The following CMIP variants were observed in gnomAD, a reference collection of about 807,000 sequenced individuals.
CMIP encodes C-Maf-inducing protein.
A neutral mutation model predicts 97.3 loss-of-function variants in CMIP; 13 were observed. That is an observed-to-expected ratio of 0.13 (90% CI 0.09 to 0.21). The LOEUF (loss-of-function observed/expected upper bound fraction) is 0.21. CMIP is among the 10% of genes least tolerant of loss of function. CMIP has a pLI of 1.00. For missense variants in CMIP, 847 were observed against 1,024.9 expected, an observed-to-expected ratio of 0.83 and a Z score of 2.37; for synonymous variants, 538 against 436.3, an observed-to-expected ratio of 1.23 and a Z score of -2.91.
intron 1 of CMIP, among the ~76,000 whole-genome samples, chr16:81,480,518 C>T (rs149432745): frequency 0.019 from 2,838 of 152,216 alleles, 94 homozygotes; most frequent in African/African-American, 0.065. Context: ...TCAGCCTGGG[C>T]GACAGAGTGA....
At position 81,699,750 on chromosome 16, in the gene CMIP, G is replaced by A; in HGVS notation, c.1704G>A (p.Lys568=). The A allele has an allele frequency of 6.2e-7, 1 of 1,613,756 alleles. No homozygotes were observed. Among genetic ancestry groups the A allele is most frequent in the Non-Finnish European group, 8.5e-7 (1 of 1,179,804 alleles). The change falls in exon 15 of 21, where the codon AAG becomes AAA. Residue 568 remains lysine (K), a synonymous_variant. Transcript: ENST00000537098. The part of the protein sequence containing the change: ...KKFLLSLAEN[K]LGPCMLLALR... ...TCCTGCTCTCCCTGGCAGAAAACAA[G>A]CTGGGTCCCTGCATGCTCCTGGCAC... is the stretch of plus-strand genomic sequence containing the variant.
chr16:81,491,106 T>G (rs939235846), intron 1 of CMIP, among the ~76,000 whole-genome samples: 1 of 152,122 alleles, frequency 6.6e-6, no homozygotes, highest in Non-Finnish European at 1.5e-5. Context: ...TGTGGTGGGT[T>G]CCTGTTCCTG....
At chr16:81,510,456 C>A (rs2150790133) in intron 1 of CMIP, among the ~76,000 whole-genome samples, 1 of 152,318 alleles carries the variant, frequency 6.6e-6, no homozygotes, top group East Asian at 1.9e-4. Flanking sequence ...CTTTGACAGT[C>A]TTCTGAGGAA....
At chr16:81,587,661 C>T (rs116992868) in intron 1 of CMIP, among the ~76,000 whole-genome samples, 1 of 152,332 alleles carries the variant, frequency 6.6e-6, no homozygotes, top group East Asian at 1.9e-4. Flanking sequence ...GGAATCTCAG[C>T]CGTCTCTGCT....
chr16:81,450,285 G>A (rs1410993694), intron 1 of CMIP, among the ~76,000 whole-genome samples: 1 of 152,192 alleles, frequency 6.6e-6, no homozygotes. Context: ...GATTAGGTGA[G>A]GCAGCCTGAT....
intron 1 of CMIP, among the ~76,000 whole-genome samples, chr16:81,483,579 CT>C (rs2089265558): frequency 6.6e-6 from 1 of 151,310 alleles, no homozygotes; most frequent in Non-Finnish European, 1.5e-5. Context: ...TCCTCTTCCT[CT>C]TCCTCTTCCT....
intron 10 of CMIP, among the ~76,000 whole-genome samples, chr16:81,681,808 A>C (rs1904901653): frequency 6.6e-6 from 1 of 151,972 alleles, no homozygotes; most frequent in Admixed American, 6.5e-5. Flanking sequence ...TCTGGGCCTC[A>C]GTTTTCTTGT....
intron 1 of CMIP, among the ~76,000 whole-genome samples, chr16:81,512,908 T>G (rs1043985743): frequency 9.2e-5 from 14 of 152,242 alleles, no homozygotes; most frequent in Non-Finnish European, 1.8e-4. Flanking sequence ...AGCTAATTTT[T>G]GCATTTTTAG....
chr16:81,463,614 C>A (rs569785564), intron 1 of CMIP, among the ~76,000 whole-genome samples: 1 of 152,166 alleles, frequency 6.6e-6, no homozygotes, highest in African/African-American at 2.4e-5. Flanking sequence ...AGGGCTGGAC[C>A]GGGTGAAATA....
rs190034026 is a variant in CMIP at position 81,465,542 on chromosome 16, C to T, written c.300+20001C>T. Among the ~76,000 whole-genome samples the T allele has an allele frequency of 3.4e-3, 517 of 152,356 alleles. 1 individual carries two copies. The highest frequency in any genetic ancestry group is 6.4e-3 in the Non-Finnish European group (437 of 68,034). On this transcript the variant is annotated intron_variant, in intron 1 of 20. Transcript: ENST00000537098. The stretch of plus-strand genomic sequence containing the variant: ...ACTCACTGTCCCAAGAAGGCTGCCT[C>T]GCACAATGCCTGGTTGTGGTTAGTG...
At chr16:81,477,739 G>A (rs1908014385) in intron 1 of CMIP, among the ~76,000 whole-genome samples, 1 of 152,226 alleles carries the variant, frequency 6.6e-6, no homozygotes, top group African/African-American at 2.4e-5. Flanking sequence ...CTGTGGCTTT[G>A]AGGGCCTAGG....
At chr16:81,518,711 A>G (rs1746354536) in intron 1 of CMIP, 2 of 152,250 alleles carry the variant, frequency 1.3e-5, no homozygotes, top group Admixed American at 6.5e-5. Context: ...GGTGTTGATT[A>G]AAAAATATAA....
chr16:81,483,317 A>G (rs956723764), intron 1 of CMIP, among the ~76,000 whole-genome samples: 16 of 105,980 alleles, frequency 1.5e-4, no homozygotes, highest in African/African-American at 5.2e-4. Flanking sequence ...TGGGGCAGCA[A>G]TTTACCTGGT....
chr16:81,527,407 T>C (rs1290408676), intron 1 of CMIP, among the ~76,000 whole-genome samples: 1 of 152,204 alleles, frequency 6.6e-6, no homozygotes, highest in Admixed American at 6.5e-5. Context: ...TTGTAGAATC[T>C]AGGTGGTGGG....
At chr16:81,630,630 G>A (rs918639697) in intron 3 of CMIP, 7 of 152,202 alleles carry the variant, frequency 4.6e-5, no homozygotes, top group African/African-American at 1.7e-4. Context: ...CCTACCCTCC[G>A]AGAAGGAAGG....
At chr16:81,467,108 T>G (rs1597453552) in intron 1 of CMIP, among the ~76,000 whole-genome samples, 4 of 152,142 alleles carry the variant, frequency 2.6e-5, no homozygotes. Flanking sequence ...TTGAGCGAGT[T>G]TCCATCCCAC....
At chr16:81,532,459 C>G (rs1425159851) in intron 1 of CMIP, among the ~76,000 whole-genome samples, 2 of 152,186 alleles carry the variant, frequency 1.3e-5, no homozygotes, top group African/African-American at 4.8e-5. Flanking sequence ...AGATAAATCC[C>G]TGAACTTATT....
chr16:81,547,414 T>A (rs1244171641), intron 1 of CMIP, among the ~76,000 whole-genome samples: 1 of 152,092 alleles, frequency 6.6e-6, no homozygotes, highest in Non-Finnish European at 1.5e-5. Context: ...TCCAGTCAGA[T>A]AGAGGGTCTT....
At position 81,459,714 on chromosome 16, in the gene CMIP, G is replaced by C. The variant is rs977431518; in HGVS notation, c.300+14173G>C. ...TGGGGTAAACTGCGTAGCAATTCCAGGGGTGTGCTCTCTGGATTTTATAGA... is the reference window on the plus strand; with the variant it reads ...TGGGGTAAACTGCGTAGCAATTCCACGGGTGTGCTCTCTGGATTTTATAGA... On this transcript the variant is annotated intron_variant, in intron 1 of 20. Coordinates refer to ENST00000537098, the MANE Select transcript of CMIP (RefSeq NM_198390.3). 2.6e-5 allele frequency among the ~76,000 whole-genome samples: 4 copies of C among 152,232 alleles called. No individual in the cohort carries two copies. The East Asian group carries it at 7.7e-4, about 29-fold the overall frequency.
Sources: allele counts gnomAD v4.1 joint callset (sites outside exome capture counted in the v4.1 genomes callset), GRCh38; gene constraint gnomAD v4.1.1; transcripts MANE v1.5; gene names NCBI Gene and HGNC (gene_info 2026-07-23, HGNC 2026-07-21).